Variants in ANK2 observed in about 807,000 individuals in gnomAD.
The protein encoded by ANK2 is ankyrin-2.
A neutral mutation model predicts 360.5 loss-of-function variants in ANK2; 83 were observed. That is an observed-to-expected ratio of 0.23 (90% CI 0.19 to 0.28). The LOEUF (loss-of-function observed/expected upper bound fraction) is 0.28. Ranked by LOEUF, ANK2 falls within the 10% of genes least tolerant of loss-of-function variation. ANK2 has a pLI of 1.00. For missense variants in ANK2, 4,201 were observed against 4,795.7 expected (o/e 0.88, Z 3.66); for synonymous variants, 1,740 against 1,759.5 (o/e 0.99, Z 0.28).
At chr4:113,134,519 T>C (rs1200303589) in intron 1 of ANK2, among the ~76,000 whole-genome samples, 1 of 151,972 alleles carries the variant, frequency 6.6e-6, no homozygotes, top group East Asian at 1.9e-4. Context: ...TAGTATGGAA[T>C]AATAATAAAC....
intron 2 of ANK2, among the ~76,000 whole-genome samples, chr4:112,991,519 A>G (rs1161913951): frequency 6.6e-6 from 1 of 151,014 alleles, no homozygotes; most frequent in African/African-American, 2.4e-5. Context: ...GATTAAGTTC[A>G]TGTGTTACAC....
At chr4:113,190,702 C>G (rs939835422) in intron 2 of ANK2, among the ~76,000 whole-genome samples, 1 of 152,064 alleles carries the variant, frequency 6.6e-6, no homozygotes, top group African/African-American at 2.4e-5. Flanking sequence ...GTTTCTGAGC[C>G]AGAATCACCA....
chr4:112,779,997 C>T, the ANK2 span, among the ~76,000 whole-genome samples: 31 of 152,086 alleles, frequency 2.0e-4, no homozygotes, highest in South Asian at 4.2e-3. Flanking sequence ...CCGAGGTGGG[C>T]GGATCATCTG....
intron 1 of ANK2, among the ~76,000 whole-genome samples, chr4:113,137,174 T>C (rs2096459671): frequency 1.3e-5 from 2 of 152,190 alleles, no homozygotes; most frequent in Admixed American, 1.3e-4. Context: ...GGGAGTTCCT[T>C]GAATAGGTCT....
the ANK2 span, among the ~76,000 whole-genome samples, chr4:112,742,357 C>T: frequency 0.02 from 3,049 of 152,032 alleles, 109 homozygotes; most frequent in African/African-American, 0.07. Context: ...TGAAATTCAC[C>T]GTGTTGGCAC....
At chr4:112,899,597 G>A (rs1167514714) in intron 1 of ANK2, among the ~76,000 whole-genome samples, 2 of 152,108 alleles carry the variant, frequency 1.3e-5, no homozygotes, top group Non-Finnish European at 2.9e-5. Flanking sequence ...TAAGTAGTAT[G>A]AGAATTATAT....
chr4:112,861,492 G>A (rs557590854), intron 1 of ANK2, among the ~76,000 whole-genome samples: 2 of 152,292 alleles, frequency 1.3e-5, no homozygotes, highest in East Asian at 3.9e-4. Flanking sequence ...GTATAAGTAT[G>A]CTTTAGCCTT....
chr4:112,733,432 C>G, the ANK2 span, among the ~76,000 whole-genome samples: 2 of 152,142 alleles, frequency 1.3e-5, no homozygotes, highest in Non-Finnish European at 2.9e-5. Flanking sequence ...TAGCCCATAG[C>G]TCTACTAGTG....
At chr4:112,982,467 CTT>C (rs1397095593) in intron 2 of ANK2, among the ~76,000 whole-genome samples, 1 of 152,132 alleles carries the variant, frequency 6.6e-6, no homozygotes, top group Non-Finnish European at 1.5e-5. Flanking sequence ...ACAAATGAAA[CTT>C]TCTAATTTTA....
chr4:113,021,329 G>C (rs970342475), intron 2 of ANK2, among the ~76,000 whole-genome samples: 4 of 151,842 alleles, frequency 2.6e-5, no homozygotes, highest in Admixed American at 1.3e-4. Flanking sequence ...GTTTTTAACA[G>C]CTTCATGGGT....
At chr4:113,109,833 T>C (rs62313805) in intron 1 of ANK2, among the ~76,000 whole-genome samples, 29,428 of 152,152 alleles carry the variant, frequency 0.19, 2,918 homozygotes, top group Non-Finnish European at 0.22. Context: ...AAACACATGC[T>C]GTTCATACAG....
At chr4:113,327,445 C>G (rs2090562926) in intron 26 of ANK2, among the ~76,000 whole-genome samples, 1 of 152,130 alleles carries the variant, frequency 6.6e-6, no homozygotes, top group Non-Finnish European at 1.5e-5. Flanking sequence ...CTCTGATTGT[C>G]CAGAGACTAA....
At chr4:112,935,124 T>TGG (rs2093623581) in intron 2 of ANK2, among the ~76,000 whole-genome samples, 1 of 138,800 alleles carries the variant, frequency 7.2e-6, no homozygotes, top group Non-Finnish European at 1.5e-5. Flanking sequence ...AGAGAAAGTG[T>TGG]GTGTGTGTGT....
chr4:112,816,921 G>T (rs556782675), upstream of ANK2, among the ~76,000 whole-genome samples: 1 of 152,310 alleles, frequency 6.6e-6, no homozygotes, highest in South Asian at 2.1e-4. Flanking sequence ...TGAGGCAGGA[G>T]AATCACTTGA....
intron 37 of ANK2, among the ~76,000 whole-genome samples, 185 bp from the exon 38 acceptor site, chr4:113,352,860 T>C (rs755924320): frequency 6.6e-6 from 1 of 152,116 alleles, no homozygotes; most frequent in Non-Finnish European, 1.5e-5. Flanking sequence ...GTTTTTTTTT[T>C]CGTTAGCCTT....
chr4:112,919,901 T>A (rs982858622), intron 2 of ANK2, among the ~76,000 whole-genome samples: 1 of 152,084 alleles, frequency 6.6e-6, no homozygotes, highest in African/African-American at 2.4e-5. Flanking sequence ...TTCTTTCTTG[T>A]AGCTATTAAT....
At chr4:113,018,337 C>T (rs2057190948) in intron 2 of ANK2, among the ~76,000 whole-genome samples, 1 of 152,170 alleles carries the variant, frequency 6.6e-6, no homozygotes. Flanking sequence ...AATCAAAACA[C>T]CAGCTTACAA....
At chr4:113,160,407 G>T (rs1179607639) in intron 1 of ANK2, 5 of 390,838 alleles carry the variant, frequency 1.3e-5, no homozygotes, top group Non-Finnish European at 2.0e-5. Flanking sequence ...CTTAGGCAAT[G>T]AGTTTCAGGT....
At chr4:112,968,138 A>G (rs893593247) in intron 2 of ANK2, among the ~76,000 whole-genome samples, 1 of 152,202 alleles carries the variant, frequency 6.6e-6, no homozygotes, top group African/African-American at 2.4e-5. Flanking sequence ...CATTTGAAGG[A>G]CTTTCCAATG....
Sources: allele counts gnomAD v4.1 joint callset (sites outside exome capture counted in the v4.1 genomes callset), GRCh38; gene constraint gnomAD v4.1.1; transcripts MANE v1.5; gene names NCBI Gene and HGNC (gene_info 2026-07-23, HGNC 2026-07-21).